CPA6: variants seen among roughly 807,000 people sequenced by gnomAD.
CPA6 encodes the protein carboxypeptidase B.
A neutral mutation model predicts 63.3 loss-of-function variants in CPA6; 58 were observed. That is an observed-to-expected ratio of 0.92 (90% CI 0.74 to 1.14). The LOEUF is 1.14. Among genes scored for constraint, CPA6 ranks in the 50% most tolerant of loss-of-function variants. CPA6 has a pLI of 0.00. For synonymous variants in CPA6, 185 were observed against 179.0 expected, an observed-to-expected ratio of 1.03 and a Z score of -0.27; for missense variants, 565 against 526.6, an observed-to-expected ratio of 1.07 and a Z score of -0.71.
At chr8:67,565,522 A>C (rs1309827241) in intron 2 of CPA6, among the ~76,000 whole-genome samples, 1 of 152,166 alleles carries the variant, frequency 6.6e-6, no homozygotes, top group African/African-American at 2.4e-5. Flanking sequence ...TCTGAGGTGC[A>C]TGACTAGCAC....
chr8:67,496,527 A>ATATATATATATATATATATAGTT, intron 6 of CPA6, among the ~76,000 whole-genome samples: 1 of 84,826 alleles, frequency 1.2e-5, no homozygotes, highest in African/African-American at 4.0e-5. Context: ...GTTTATATAT[A>ATATATATATATATATATATAGTT]TATATATATA....
intron 2 of CPA6, 108 bp downstream of exon 2, chr8:67,624,068 C>G: frequency 7.4e-6 from 5 of 672,994 alleles, no homozygotes; most frequent in Non-Finnish European, 7.9e-6. Flanking sequence ...ATCTCCTTAG[C>G]CTTTACTTTC....
At position 67,503,250 on chromosome 8, in the gene CPA6, G is replaced by T. The variant is rs570979180; in HGVS notation, c.636+3537C>A. Among the ~76,000 whole-genome samples the T allele has an allele frequency of 5.9e-4, 89 of 151,960 alleles. 2 individuals are homozygous for T. The South Asian group carries it at 0.018, about 30-fold the overall frequency. ...GACAGGGTTTTACCATGTTGGCCAG[G>T]CTGGTCTTGAACTCCTGATCTCAAG... On this transcript the variant is annotated intron_variant, in intron 6 of 10. Coordinates refer to ENST00000297770, the MANE Select transcript of CPA6 (RefSeq NM_020361.5).
intron 7 of CPA6, among the ~76,000 whole-genome samples, chr8:67,484,095 A>G (rs1229577475): frequency 2.0e-5 from 3 of 150,734 alleles, no homozygotes; most frequent in Admixed American, 2.0e-4. Context: ...TTTGAGACAG[A>G]GTCTCGCTCT....
chr8:67,540,921 G>C (rs1186896262), intron 2 of CPA6, among the ~76,000 whole-genome samples: 1 of 152,220 alleles, frequency 6.6e-6, no homozygotes, highest in Admixed American at 6.5e-5. Flanking sequence ...TCAAGCCAGT[G>C]GATCTTAGCT....
intron 2 of CPA6, among the ~76,000 whole-genome samples, chr8:67,545,933 C>A (rs1262608969): frequency 6.6e-6 from 1 of 152,088 alleles, no homozygotes; most frequent in African/African-American, 2.4e-5. Context: ...AAGATAAAGT[C>A]CAAACTCCTG....
chr8:67,736,392 A>C (rs1408216909), intron 1 of CPA6, among the ~76,000 whole-genome samples: 7 of 151,970 alleles, frequency 4.6e-5, no homozygotes, highest in Non-Finnish European at 1.5e-5. Flanking sequence ...TCCCTTCTCA[A>C]CCTACCTGCT....
intron 2 of CPA6, among the ~76,000 whole-genome samples, chr8:67,553,290 A>G (rs1420988468): frequency 2.0e-5 from 3 of 152,240 alleles, no homozygotes; most frequent in East Asian, 3.8e-4. Context: ...TTGAGCATCT[A>G]TTCTATACCA....
chr8:67,729,259 T>C (rs2623846), intron 1 of CPA6, among the ~76,000 whole-genome samples: 115,169 of 152,208 alleles, frequency 0.76, 45,623 homozygotes, highest in Non-Finnish European at 0.85. Flanking sequence ...GTAAACCTGA[T>C]AGAGCTTTGA....
intron 2 of CPA6, among the ~76,000 whole-genome samples, chr8:67,611,890 G>C (rs1587632957): frequency 6.6e-6 from 1 of 152,286 alleles, no homozygotes; most frequent in African/African-American, 2.4e-5. Flanking sequence ...TTCTGATAGA[G>C]GGGAAGATGC....
chr8:67,663,895 T>C (rs1816172731), intron 1 of CPA6, among the ~76,000 whole-genome samples: 1 of 152,160 alleles, frequency 6.6e-6, no homozygotes, highest in Admixed American at 6.5e-5. Context: ...AATTCCTTAA[T>C]TCTTGCTATC....
chr8:67,613,627 G>A (rs529242863), intron 2 of CPA6, among the ~76,000 whole-genome samples: 1 of 152,306 alleles, frequency 6.6e-6, no homozygotes, highest in African/African-American at 2.4e-5. Context: ...TGAGAAATCA[G>A]GTAACTTGCT....
chr8:67,538,316 G>A (rs909087075), intron 2 of CPA6, among the ~76,000 whole-genome samples: 16 of 152,074 alleles, frequency 1.1e-4, no homozygotes, highest in Non-Finnish European at 1.5e-4. Flanking sequence ...ATGTGTGGGC[G>A]TCTAAGTTTC....
chr8:67,629,302 G>T (rs190810487), intron 1 of CPA6, among the ~76,000 whole-genome samples: 1 of 150,852 alleles, frequency 6.6e-6, no homozygotes, highest in African/African-American at 2.4e-5. Flanking sequence ...CCCTGTCTCC[G>T]CAAAAATAAA....
intron 1 of CPA6, among the ~76,000 whole-genome samples, chr8:67,740,583 T>C (rs75975637): frequency 2.0e-5 from 3 of 152,286 alleles, no homozygotes; most frequent in African/African-American, 7.2e-5. Flanking sequence ...TTTATTTATT[T>C]TCTTGAGACT....
intron 3 of CPA6, among the ~76,000 whole-genome samples, chr8:67,512,462 C>A (rs1812061605): frequency 6.6e-6 from 1 of 152,212 alleles, no homozygotes; most frequent in African/African-American, 2.4e-5. Flanking sequence ...AGAAGCTCAG[C>A]CAATTATAGT....
chr8:67,542,676 CA>C (rs1812732592), intron 2 of CPA6, among the ~76,000 whole-genome samples: 3 of 152,166 alleles, frequency 2.0e-5, no homozygotes, highest in Non-Finnish European at 4.4e-5. Flanking sequence ...ATGATCCACC[CA>C]GCACATTAAT....
chr8:67,562,648 C>A (rs117113320), intron 2 of CPA6, among the ~76,000 whole-genome samples: 1 of 152,078 alleles, frequency 6.6e-6, no homozygotes, highest in African/African-American at 2.4e-5. Context: ...AGGTCAAGAC[C>A]GTAGAGTCCT....
intron 1 of CPA6, among the ~76,000 whole-genome samples, chr8:67,721,965 T>C (rs570748163): frequency 8.9e-4 from 135 of 152,194 alleles, no homozygotes; most frequent in Non-Finnish European, 1.7e-3. Context: ...TGGAAGCCAA[T>C]TGTTCAAACT....
Sources: gnomAD v4.1 joint callset for allele counts (sites outside exome capture counted in the v4.1 genomes callset) on GRCh38, gnomAD v4.1.1 for gene constraint, MANE v1.5 for transcripts, NCBI Gene and HGNC (gene_info 2026-07-23, HGNC 2026-07-21) for gene names.